The following WAPL variants were observed in gnomAD, a reference collection of about 807,000 sequenced individuals.
The protein encoded by WAPL is wings apart-like protein homolog.
A neutral mutation model predicts 121.0 loss-of-function variants in WAPL; 5 were observed. The observed-to-expected ratio is 0.04, with a 90% CI of 0.02 to 0.09. The LOEUF (loss-of-function observed/expected upper bound fraction) is 0.09, where lower values mean the gene tolerates loss of function less well. Ranked by LOEUF, WAPL falls within the 10% of genes least tolerant of loss-of-function variation. The pLI, the probability that WAPL is intolerant of heterozygous loss-of-function variation, is 1.00. For synonymous variants in WAPL, 480 were observed against 481.5 expected (o/e 1.00, Z 0.04); for missense variants, 999 against 1,410.8 (o/e 0.71, Z 4.68).
chr10:86,505,136 T>C (rs1842320694), intron 2 of WAPL, among the ~76,000 whole-genome samples: 1 of 151,438 alleles, frequency 6.6e-6, no homozygotes, highest in Non-Finnish European at 1.5e-5. Flanking sequence ...TACAGTCACA[T>C]AAAATTCCTA....
At chr10:86,468,578 C>T (rs1841457244) in intron 8 of WAPL, among the ~76,000 whole-genome samples, 2 of 152,068 alleles carry the variant, frequency 1.3e-5, no homozygotes, top group South Asian at 4.2e-4. Flanking sequence ...TATATCATAC[C>T]CTTAACACAT....
chr10:86,453,773 A>C lies in WAPL; in HGVS notation c.2716T>G (p.Cys906Gly). 1.2e-6 allele frequency: 2 copies of C among 1,614,150 alleles called. No homozygotes were observed. Among genetic ancestry groups the C allele is most frequent in the Non-Finnish European group, 1.7e-6 (2 of 1,180,034 alleles). The change falls in exon 13 of 19, where the codon TGC (cysteine) becomes GGC (glycine). Residue 906 changes from cysteine (C) to glycine (G), a missense_variant. By Grantham distance (159) the Cys-to-Gly change is radical. Coordinates refer to ENST00000298767, the MANE Select transcript of WAPL (RefSeq NM_015045.5). The part of the protein sequence containing the change: ...QQYNRAEDSI[C>G]LADSKPLPHQ... ...GGCAGAGGCTTACTGTCAGCTAAGC[A>C]TATGCTGTCCTCAGCACGGTTGTAC...
chr10:86,469,261 T>TAC (rs2132190192), intron 8 of WAPL, among the ~76,000 whole-genome samples: 1 of 498 alleles, frequency 2.0e-3, no homozygotes, highest in African/African-American at 0.083. Context: ...TTTTTTTTTT[T>TAC]TTTTTTTTTG....
At chr10:86,485,642 A>G (rs768604460) in intron 4 of WAPL, among the ~76,000 whole-genome samples, 1 of 152,234 alleles carries the variant, frequency 6.6e-6, no homozygotes, top group Non-Finnish European at 1.5e-5. Context: ...CAGAGAGAAA[A>G]TAATTTACAT....
chr10:86,456,313 C>T (rs1002737774), intron 12 of WAPL, among the ~76,000 whole-genome samples: 1 of 150,428 alleles, frequency 6.6e-6, no homozygotes, highest in Admixed American at 6.6e-5. Flanking sequence ...AGAAACTATT[C>T]TGTATATTGC....
At chr10:86,464,472 A>T (rs1841354921) in intron 9 of WAPL, among the ~76,000 whole-genome samples, 1 of 152,236 alleles carries the variant, frequency 6.6e-6, no homozygotes, top group African/African-American at 2.4e-5. Flanking sequence ...GCAAATAAAA[A>T]CTATAGGCTC....
At chr10:86,514,975 T>C (rs1295904737) in intron 2 of WAPL, among the ~76,000 whole-genome samples, 1 of 152,140 alleles carries the variant, frequency 6.6e-6, no homozygotes, top group Non-Finnish European at 1.5e-5. Context: ...TCAAGAAATG[T>C]CAGGCTGGGC....
chr10:86,509,069 T>G (rs1439512373), intron 2 of WAPL, among the ~76,000 whole-genome samples: 1 of 152,136 alleles, frequency 6.6e-6, no homozygotes, highest in Non-Finnish European at 1.5e-5. Flanking sequence ...CACAGCACAG[T>G]CCTAATACTT....
intron 2 of WAPL, among the ~76,000 whole-genome samples, chr10:86,505,089 T>C (rs1478198916): frequency 6.6e-6 from 1 of 152,070 alleles, no homozygotes; most frequent in Non-Finnish European, 1.5e-5. Context: ...GTGATCATGA[T>C]GTAGTACAGA....
intron 4 of WAPL, among the ~76,000 whole-genome samples, chr10:86,484,615 T>C (rs1474815866): frequency 6.6e-6 from 1 of 152,232 alleles, no homozygotes; most frequent in Non-Finnish European, 1.5e-5. Flanking sequence ...TCTACAGTAG[T>C]GTCCTAAGCT....
chr10:86,467,930 G>A (rs967896579), intron 8 of WAPL, among the ~76,000 whole-genome samples: 3 of 151,536 alleles, frequency 2.0e-5, no homozygotes, highest in South Asian at 2.1e-4. Context: ...CGCCCACCTC[G>A]GCCTCCCAAA....
chr10:86,506,232 CCAAAAA>C (rs1183406110), intron 2 of WAPL, among the ~76,000 whole-genome samples: 2 of 151,632 alleles, frequency 1.3e-5, no homozygotes, highest in African/African-American at 4.8e-5. Context: ...GAGACCATCT[CCAAAAA>C]CAAAAACAAA....
chr10:86,461,005 G>A (rs1357458238), intron 10 of WAPL, among the ~76,000 whole-genome samples, 171 bp downstream of exon 10: 1 of 152,180 alleles, frequency 6.6e-6, no homozygotes, highest in East Asian at 1.9e-4. Flanking sequence ...GAGCCACCGT[G>A]CCCGGCCGGC....
intron 2 of WAPL, among the ~76,000 whole-genome samples, chr10:86,515,241 G>A (rs549598300): frequency 1.3e-5 from 2 of 149,976 alleles, no homozygotes; most frequent in East Asian, 2.0e-4. Flanking sequence ...AGCCTGGGGG[G>A]ACAAGAGCGA....
chr10:86,519,075 T>C (rs1842618246), intron 1 of WAPL, among the ~76,000 whole-genome samples: 3 of 152,178 alleles, frequency 2.0e-5, no homozygotes, highest in African/African-American at 7.2e-5. Flanking sequence ...CAACTTTTAT[T>C]TTCCTTTTCA....
intron 17 of WAPL, among the ~76,000 whole-genome samples, chr10:86,441,327 T>C (rs990809423): frequency 2.0e-5 from 3 of 152,180 alleles, no homozygotes; most frequent in African/African-American, 7.2e-5. Context: ...ACCTTTCACT[T>C]TCAGGCTGAC....
intron 12 of WAPL, 48 bp downstream of exon 12, chr10:86,458,941 T>C (rs1273126112): frequency 6.8e-7 from 1 of 1,479,258 alleles, no homozygotes. Context: ...TCCAAATGTT[T>C]AAAATAAGTA....
At position 86,451,990 on chromosome 10, in the gene WAPL, G is replaced by C; in HGVS notation, c.3091C>G (p.His1031Asp). ...DDSLRIGGQV[H>D]AVQALVQLFL... is the part of the protein sequence containing the mutation. ...ACCTGCACTAAAGCCTGGACAGCATGAACTTGTCCACCTATCCTTAAACTA... is the reference window on the plus strand; with the variant it reads ...ACCTGCACTAAAGCCTGGACAGCATCAACTTGTCCACCTATCCTTAAACTA... Residue 1031 changes from histidine to aspartate, a missense_variant, in exon 15 of 19, where the codon CAT (histidine) becomes GAT (aspartate). Coordinates refer to ENST00000298767, the MANE Select transcript of WAPL (RefSeq NM_015045.5). 1 of 1,614,144 alleles carries C rather than the reference G, an allele frequency of 6.2e-7. No homozygotes were observed. Among genetic ancestry groups the C allele is most frequent in the Non-Finnish European group, 8.5e-7 (1 of 1,180,030 alleles).
chr10:86,519,201 G>A (rs1179186108), intron 1 of WAPL, among the ~76,000 whole-genome samples: 1 of 151,862 alleles, frequency 6.6e-6, no homozygotes, highest in Admixed American at 6.6e-5. Context: ...ACTTGCATTA[G>A]TTCTGTGCCT....
Sources: allele counts gnomAD v4.1 joint callset (sites outside exome capture counted in the v4.1 genomes callset), GRCh38; gene constraint gnomAD v4.1.1; transcripts MANE v1.5; gene names NCBI Gene and HGNC (gene_info 2026-07-23, HGNC 2026-07-21).